Variants in UBE2K observed in about 807,000 individuals in gnomAD.
UBE2K encodes ubiquitin-conjugating enzyme E2 K.
A neutral mutation model predicts 30.0 loss-of-function variants in UBE2K; 6 were observed. That is an observed-to-expected ratio of 0.20 (90% CI 0.11 to 0.39). UBE2K has a LOEUF of 0.39. UBE2K is among the 10% of genes least tolerant of loss of function. UBE2K has a pLI of 1.00. For synonymous variants in UBE2K, 86 were observed against 83.7 expected (o/e 1.03, Z -0.15); for missense variants, 61 against 241.6 (o/e 0.25, Z 4.96).
At chr4:39,734,543 A>C (rs1244802746) in intron 1 of UBE2K, among the ~76,000 whole-genome samples, 2 of 152,140 alleles carry the variant, frequency 1.3e-5, no homozygotes, top group Non-Finnish European at 2.9e-5. Context: ...CACACCTGTA[A>C]TCGCAGCACT....
At chr4:39,706,189 T>G (rs2109305928) in intron 1 of UBE2K, among the ~76,000 whole-genome samples, 1 of 150,768 alleles carries the variant, frequency 6.6e-6, no homozygotes, top group South Asian at 2.1e-4. Flanking sequence ...TTTTTTGTAT[T>G]TTTTTTTTAG....
intron 1 of UBE2K, among the ~76,000 whole-genome samples, chr4:39,707,186 A>G (rs374316873): frequency 7.3e-4 from 111 of 151,934 alleles, no homozygotes; most frequent in African/African-American, 2.3e-3. Context: ...CTGGGCTTAC[A>G]TGTGTGAGCC....
intron 1 of UBE2K, among the ~76,000 whole-genome samples, chr4:39,719,105 A>G (rs1171416452): frequency 1.3e-5 from 2 of 152,260 alleles, no homozygotes; most frequent in South Asian, 2.1e-4. Flanking sequence ...CTGTTAAGTC[A>G]CAGATACACA....
At chr4:39,740,354 G>A (rs1387219524) in intron 2 of UBE2K, among the ~76,000 whole-genome samples, 1 of 151,992 alleles carries the variant, frequency 6.6e-6, no homozygotes, top group Non-Finnish European at 1.5e-5. Context: ...ATTGGATAAT[G>A]TATACTTATA....
chr4:39,753,307 G>A (rs1054114015), intron 3 of UBE2K, among the ~76,000 whole-genome samples: 1 of 152,164 alleles, frequency 6.6e-6, no homozygotes, highest in Non-Finnish European at 1.5e-5. Flanking sequence ...CTGAGTCTGG[G>A]AAGTTGAGGT....
Position 39,778,803 on chromosome 4 carries a change from A to G in UBE2K, c.*369A>G, listed in dbSNP as rs909950505. On this transcript the variant is annotated 3_prime_UTR_variant, in exon 7 of 7. Transcript: ENST00000261427. Reference sequence around the variant, plus strand: ...ATAATATTTTGAGTGTGTCAGGGCCATTCAAATTGTTGGTGTTGCATCACA... The same window carrying G: ...ATAATATTTTGAGTGTGTCAGGGCCGTTCAAATTGTTGGTGTTGCATCACA... 1 of 159,948 alleles carries G rather than the reference A, an allele frequency of 6.3e-6. No individual in the cohort carries two copies. The highest frequency in any genetic ancestry group is 2.4e-5 in the African/African-American group (1 of 41,566). The allele number at this position is 159,948 out of a possible 1,614,324, so 9.9% of individuals were successfully genotyped here.
At position 39,755,699 on chromosome 4, in the gene UBE2K, G is replaced by A. The variant is rs745506061; in HGVS notation, c.259G>A (p.Val87Ile). 1.9e-6 allele frequency: 3 copies of A among 1,597,674 alleles called. No homozygotes were observed. Among genetic ancestry groups the A allele is most frequent in the Non-Finnish European group, 2.6e-6 (3 of 1,176,056 alleles). Residue 87 changes from valine to isoleucine, a missense_variant, in exon 4 of 7, where the codon GTC becomes ATC. Transcript: ENST00000261427. Reference sequence around the variant, plus strand: ...AATATGGCATCCTAATATTAGTTCCGTCACAGGGGCTATTTGTTTGGATAT... The same window carrying A: ...AATATGGCATCCTAATATTAGTTCCATCACAGGGGCTATTTGTTTGGATAT... The part of the protein sequence containing the change: ...TKIWHPNISS[V>I]TGAICLDILK...
At chr4:39,728,824 TTTG>T (rs1388365053) in intron 1 of UBE2K, among the ~76,000 whole-genome samples, 1 of 120,974 alleles carries the variant, frequency 8.3e-6, no homozygotes, top group Non-Finnish European at 1.9e-5. Flanking sequence ...TTTTGTTTTT[TTTG>T]TTTTTTTTTT....
chr4:39,762,184 A>AAAT (rs138206643), intron 4 of UBE2K, among the ~76,000 whole-genome samples: 97,906 of 143,652 alleles, frequency 0.68, 33,754 homozygotes, highest in African/African-American at 0.78. Context: ...CATCTCAGTA[A>AAAT]AATAATAATA....
chr4:39,756,577 C>A, intron 4 of UBE2K, among the ~76,000 whole-genome samples: 1 of 152,038 alleles, frequency 6.6e-6, no homozygotes, highest in South Asian at 2.1e-4. Context: ...CTCAGCCTCC[C>A]AAGTAGCTGG....
At chr4:39,754,244 G>A (rs1271572449) in intron 3 of UBE2K, among the ~76,000 whole-genome samples, 1 of 152,190 alleles carries the variant, frequency 6.6e-6, no homozygotes, top group Non-Finnish European at 1.5e-5. Context: ...TAATGAGAAG[G>A]TGGATGGAGA....
chr4:39,728,058 C>T lies in UBE2K; in HGVS notation c.64-9362C>T, dbSNP rs369135073. Among the ~76,000 whole-genome samples, 53 of 151,952 alleles carry T rather than the reference C, an allele frequency of 3.5e-4. 2 individuals are homozygous for T. In the South Asian group the frequency reaches 0.01, roughly 30 times the overall value. ...TTGAGACAGAAGAATCGCTTCAACC[C>T]GGGTGGTGGAGGTTGCAGTGAGCCG... On this transcript the variant is annotated intron_variant, in intron 1 of 6. Transcript: ENST00000261427.
At chr4:39,727,030 CTTA>C (rs749872208) in intron 1 of UBE2K, among the ~76,000 whole-genome samples, 15 of 152,288 alleles carry the variant, frequency 9.8e-5, no homozygotes, top group Admixed American at 5.2e-4. Flanking sequence ...AATCAATTGT[CTTA>C]TTATGTCCAA....
intron 1 of UBE2K, among the ~76,000 whole-genome samples, chr4:39,724,583 CAAAAAAAAAAAAAAAA>C (rs60854193): frequency 1.9e-5 from 1 of 52,132 alleles, no homozygotes; most frequent in South Asian, 9.2e-4. Context: ...CCCGTCTCTG[CAAAAAAAAAAAAAAAA>C]AAAAAAAAAA....
At chr4:39,724,297 G>T (rs554729131) in intron 1 of UBE2K, among the ~76,000 whole-genome samples, 31 of 151,768 alleles carry the variant, frequency 2.0e-4, no homozygotes, top group African/African-American at 7.5e-4. Flanking sequence ...TTTTGTAGAG[G>T]TGGGGTTTTG....
chr4:39,765,671 C>T (rs1425988858), intron 4 of UBE2K, among the ~76,000 whole-genome samples: 4 of 151,334 alleles, frequency 2.6e-5, no homozygotes, highest in African/African-American at 4.9e-5. Context: ...AATACAAAAA[C>T]GTTAGCCAAG....
At chr4:39,712,362 C>T (rs1219690312) in intron 1 of UBE2K, among the ~76,000 whole-genome samples, 8 of 115,500 alleles carry the variant, frequency 6.9e-5, no homozygotes, top group South Asian at 3.4e-4. Context: ...CCACTGCGCC[C>T]GGCCAATTTT....
intron 1 of UBE2K, chr4:39,714,551 T>TATATATATATATA (rs1249612429): frequency 3.5e-5 from 1 of 28,462 alleles, no homozygotes; most frequent in African/African-American, 2.0e-4. Flanking sequence ...TATATATATA[T>TATATATATATATA]TTTTTTTTTT....
At position 39,777,826 on chromosome 4, in the gene UBE2K, C is replaced by T. The variant is rs151021771; in HGVS notation, c.528+16C>T. 1.4e-6 allele frequency: 2 copies of T among 1,393,942 alleles called. No individual in the cohort carries two copies. The highest frequency in any genetic ancestry group is 1.9e-4 in the Middle Eastern group (1 of 5,252). 86.3% of individuals were successfully genotyped at this position (1,393,942 alleles called of 1,614,324 possible). ...CTTTGATAGGGTAAGTACATAAGGGCATGTTGATTTTGATATATTGATTGA... is the reference window on the plus strand; with the variant it reads ...CTTTGATAGGGTAAGTACATAAGGGTATGTTGATTTTGATATATTGATTGA... On this transcript the variant is annotated intron_variant, in intron 6 of 6. Transcript: ENST00000261427.
Sources: allele counts gnomAD v4.1 joint callset (sites outside exome capture counted in the v4.1 genomes callset), GRCh38; gene constraint gnomAD v4.1.1; transcripts MANE v1.5; gene names NCBI Gene and HGNC (gene_info 2026-07-23, HGNC 2026-07-21).